Variants in LIMK1 observed in about 807,000 individuals in gnomAD.
LIMK1 encodes LIM domain kinase 1.
In LIMK1, 21 loss-of-function variants were observed where a neutral mutation model predicts 77.6. The observed-to-expected ratio is 0.27, with a 90% CI of 0.19 to 0.39. The LOEUF (loss-of-function observed/expected upper bound fraction) is 0.39, where lower values mean the gene tolerates loss of function less well. LIMK1 is among the 10% of genes least tolerant of loss of function. The pLI, the probability that LIMK1 is intolerant of heterozygous loss-of-function variation, is 1.00. For missense variants in LIMK1, 696 were observed against 901.6 expected (o/e 0.77, Z 2.92); for synonymous variants, 358 against 370.0 (o/e 0.97, Z 0.37).
At chr7:74,088,265 T>TGTG (rs1283187287) in intron 2 of LIMK1, among the ~76,000 whole-genome samples, 1 of 152,110 alleles carries the variant, frequency 6.6e-6, no homozygotes, top group Non-Finnish European at 1.5e-5. Flanking sequence ...ACACACTCAG[T>TGTG]GTGGCTGAAA....
At chr7:74,108,382 C>T (rs782793863) in intron 9 of LIMK1, among the ~76,000 whole-genome samples, 1 of 151,992 alleles carries the variant, frequency 6.6e-6, no homozygotes, top group Admixed American at 6.6e-5. Context: ...TAGTGGCTCA[C>T]GCCTGTAATC....
intron 5 of LIMK1, among the ~76,000 whole-genome samples, chr7:74,105,492 A>G (rs1554697204): frequency 6.6e-6 from 1 of 150,794 alleles, no homozygotes; most frequent in African/African-American, 2.4e-5. Flanking sequence ...CAGCCTGGGT[A>G]ACAGAGTGAG....
chr7:74,085,714 G>A, intron 1 of LIMK1, 34 bp from the exon 2 acceptor site: 1 of 1,530,420 alleles, frequency 6.5e-7, no homozygotes, highest in African/African-American at 1.4e-5. Flanking sequence ...CACACTTCCT[G>A]AGAATGCTTC....
intron 2 of LIMK1, among the ~76,000 whole-genome samples, chr7:74,094,726 G>T (rs572014414): frequency 6.6e-6 from 1 of 151,502 alleles, no homozygotes. Context: ...ACCAACTTCC[G>T]TCCTCCGCCC....
chr7:74,090,635 C>A (rs1434117532), intron 2 of LIMK1, among the ~76,000 whole-genome samples: 1 of 152,190 alleles, frequency 6.6e-6, no homozygotes, highest in Non-Finnish European at 1.5e-5. Flanking sequence ...AGGCATTGGG[C>A]CCGGCCCAGA....
chr7:74,108,419 C>T (rs1219292047), intron 9 of LIMK1, among the ~76,000 whole-genome samples: 1 of 151,874 alleles, frequency 6.6e-6, no homozygotes, highest in Non-Finnish European at 1.5e-5. Context: ...CTGAGCCGGG[C>T]GGATCACCTG....
chr7:74,116,073 C>T (rs1554699408), intron 13 of LIMK1, 115 bp downstream of exon 13: 3 of 1,107,310 alleles, frequency 2.7e-6, no homozygotes, highest in Admixed American at 5.1e-5. Flanking sequence ...TCTTCAGTTA[C>T]CCTGTGGGTC....
chr7:74,085,758 G>T lies in LIMK1; in HGVS notation c.66G>T (p.Leu22Phe). ...CTTCCCACCCTGCAGGAAGCGAGTT[G>T]CCCGTGTGTGCAAGCTGCGGCCAGA... The part of the protein sequence containing the change: ...EERMGEEGSE[L>F]PVCASCGQRI... The change falls in exon 2 of 16, where the codon TTG (leucine) becomes TTT (phenylalanine). Residue 22 changes from leucine to phenylalanine, a missense_variant. By Grantham distance (22) the Leu-to-Phe change is conservative. Coordinates refer to ENST00000336180, the MANE Select transcript of LIMK1 (RefSeq NM_002314.4). 1 of 1,558,132 alleles carries T rather than the reference G, an allele frequency of 6.4e-7. No individual in the cohort carries two copies.
At chr7:74,101,786 T>C (rs1199489611) in intron 5 of LIMK1, among the ~76,000 whole-genome samples, 1 of 145,348 alleles carries the variant, frequency 6.9e-6, no homozygotes, top group Non-Finnish European at 1.5e-5. Flanking sequence ...TTCTAAGGAA[T>C]TTACATATGT....
intron 5 of LIMK1, among the ~76,000 whole-genome samples, chr7:74,104,282 T>G (rs886944499): frequency 8.6e-5 from 13 of 151,596 alleles, no homozygotes; most frequent in African/African-American, 3.1e-4. Context: ...CCCATCCCCT[T>G]TTCCATCTCC....
At chr7:74,104,684 A>G (rs1401790299) in intron 5 of LIMK1, among the ~76,000 whole-genome samples, 1 of 152,164 alleles carries the variant, frequency 6.6e-6, no homozygotes, top group Non-Finnish European at 1.5e-5. Context: ...GTTAAAAGAA[A>G]TAAGTAAATT....
At chr7:74,093,340 G>C in intron 2 of LIMK1, 1 of 1,535,468 alleles carries the variant, frequency 6.5e-7, no homozygotes, top group Non-Finnish European at 8.7e-7. Flanking sequence ...TGGGCTCCAG[G>C]CAGGGCCCCT....
rs1554700379 is a variant in LIMK1, at chr7:74,120,618, T to G, written c.1603T>G (p.Phe535Val). ...SYDEKVDVFS[F>V]GIVLCEIIGR... The stretch of plus-strand genomic sequence containing the variant: ...TGATGAGAAGGTGGATGTGTTCTCC[T>G]TTGGGATCGTCCTGTGCGAGGTAGG... The change falls in exon 14 of 16, where the codon TTT (phenylalanine) becomes GTT (valine). Residue 535 changes from phenylalanine to valine, a missense_variant. This residue lies in a region of LIMK1 where 438 missense variants were observed against 602.3 expected (regional missense o/e 0.73). Transcript: ENST00000336180. 2 of 1,614,220 alleles carry G rather than the reference T, an allele frequency of 1.2e-6. No homozygotes were observed. Among genetic ancestry groups the G allele is most frequent in the South Asian group, 2.2e-5 (2 of 91,088 alleles).
chr7:74,098,932 G>T (rs893651762), intron 4 of LIMK1, 100 bp from the exon 5 acceptor site: 4 of 865,854 alleles, frequency 4.6e-6, no homozygotes, highest in Non-Finnish European at 7.1e-6. Context: ...AAAAAAAAAG[G>T]AAGGGATTGG....
intron 5 of LIMK1, among the ~76,000 whole-genome samples, chr7:74,105,280 C>T (rs574793429): frequency 2.4e-4 from 37 of 152,138 alleles, no homozygotes; most frequent in East Asian, 1.7e-3. Context: ...GAGGCTAAGG[C>T]GGGCGGATTG....
intron 8 of LIMK1, 65 bp from the exon 9 acceptor site, chr7:74,107,806 G>A (rs1183779929): frequency 2.3e-6 from 3 of 1,307,662 alleles, no homozygotes; most frequent in Non-Finnish European, 3.2e-6. Context: ...GGTGGAGATG[G>A]GGCTTCCTAG....
intron 13 of LIMK1, among the ~76,000 whole-genome samples, chr7:74,119,858 C>T (rs1344567368): frequency 1.3e-5 from 2 of 152,086 alleles, no homozygotes; most frequent in Non-Finnish European, 2.9e-5. Context: ...CAGTGAGCCA[C>T]AATCGTACCA....
At chr7:74,097,969 A>G (rs191581132) in intron 4 of LIMK1, among the ~76,000 whole-genome samples, 1 of 152,326 alleles carries the variant, frequency 6.6e-6, no homozygotes, top group East Asian at 1.9e-4. Context: ...TATGAAGGAC[A>G]CAGCTCAGGT....
At chr7:74,090,899 A>G (rs1315563892) in intron 2 of LIMK1, among the ~76,000 whole-genome samples, 2 of 152,026 alleles carry the variant, frequency 1.3e-5, no homozygotes, top group Non-Finnish European at 2.9e-5. Flanking sequence ...ACAACCCAGT[A>G]AGGGGGTGCT....
Sources: allele counts gnomAD v4.1 joint callset (sites outside exome capture counted in the v4.1 genomes callset), GRCh38; gene constraint gnomAD v4.1.1; regional missense constraint gnomAD v4.1.1; transcripts MANE v1.5; gene names NCBI Gene and HGNC (gene_info 2026-07-23, HGNC 2026-07-21).